The following TMEM178B variants were observed in gnomAD, a reference collection of about 807,000 sequenced individuals.
The protein encoded by TMEM178B is transmembrane protein 178B.
A neutral mutation model predicts 31.0 loss-of-function variants in TMEM178B; 5 were observed. That is an observed-to-expected ratio of 0.16 (90% CI 0.08 to 0.34). The LOEUF is 0.34. Among genes scored for constraint, TMEM178B ranks in the 10% least tolerant of loss-of-function variants. The pLI is 1.00. For synonymous variants in TMEM178B, 164 were observed against 164.0 expected (o/e 1.00, Z 0.00); for missense variants, 275 against 400.3 (o/e 0.69, Z 2.67).
At chr7:141,430,994 G>A (rs1467141931) in intron 2 of TMEM178B, among the ~76,000 whole-genome samples, 1 of 152,192 alleles carries the variant, frequency 6.6e-6, no homozygotes, top group Non-Finnish European at 1.5e-5. Context: ...ACCTCCCCAG[G>A]AGGTGCCCAT....
chr7:141,424,019 T>C (rs1045967048), intron 2 of TMEM178B, among the ~76,000 whole-genome samples: 1 of 151,724 alleles, frequency 6.6e-6, no homozygotes, highest in African/African-American at 2.4e-5. Context: ...GGTTTCACCA[T>C]GTTGGTCAGG....
chr7:141,428,758 C>T (rs1295762494), intron 2 of TMEM178B, among the ~76,000 whole-genome samples: 3 of 152,186 alleles, frequency 2.0e-5, no homozygotes, highest in Admixed American at 2.0e-4. Context: ...CTCAAGTTGC[C>T]CGCTAGGCCC....
rs1355181093 is a variant in TMEM178B at position 141,075,174 on chromosome 7, T to C, written c.382+482T>C. On this transcript the variant is annotated intron_variant, in intron 1 of 3. Transcript: ENST00000565468. ...GCTGAGCGCTATACTATACCAGATA[T>C]GGTGTAGGCACTGGTCATATAAACA... Among the ~76,000 whole-genome samples the C allele has an allele frequency of 3.9e-5, 6 of 152,170 alleles. No individual in the cohort carries two copies. In the South Asian group the frequency reaches 6.2e-4, roughly 16 times the overall value.
downstream of TMEM178B, among the ~76,000 whole-genome samples, chr7:141,481,034 C>G (rs192334378): frequency 6.6e-6 from 1 of 152,300 alleles, no homozygotes; most frequent in African/African-American, 2.4e-5. Context: ...CAAGAAGAAA[C>G]GCGTGGCTGA....
At chr7:141,272,672 C>G (rs1461695803) in intron 2 of TMEM178B, among the ~76,000 whole-genome samples, 1 of 152,242 alleles carries the variant, frequency 6.6e-6, no homozygotes, top group Non-Finnish European at 1.5e-5. Flanking sequence ...GAGCTCCCCT[C>G]TGCACATCAG....
At chr7:141,134,475 C>CAA (rs1186960763) in intron 1 of TMEM178B, among the ~76,000 whole-genome samples, 2 of 152,014 alleles carry the variant, frequency 1.3e-5, no homozygotes, top group Non-Finnish European at 2.9e-5. Flanking sequence ...AATGAAAGAA[C>CAA]AATATCTACC....
intron 1 of TMEM178B, among the ~76,000 whole-genome samples, chr7:141,077,148 G>A (rs571874885): frequency 6.6e-6 from 1 of 152,296 alleles, no homozygotes; most frequent in South Asian, 2.1e-4. Context: ...TTATAAGGAA[G>A]TTAAAAAGAG....
chr7:141,337,868 C>T (rs1253661567), intron 2 of TMEM178B, among the ~76,000 whole-genome samples: 2 of 151,734 alleles, frequency 1.3e-5, no homozygotes, highest in South Asian at 2.1e-4. Flanking sequence ...GACGGAGTCT[C>T]GCTCTGTCAC....
intron 2 of TMEM178B, among the ~76,000 whole-genome samples, chr7:141,364,158 G>A (rs1202512110): frequency 6.6e-6 from 1 of 152,008 alleles, no homozygotes. Context: ...AAAAAATGTG[G>A]CCTCTTTTCA....
chr7:141,308,233 C>A (rs138956879), intron 2 of TMEM178B, among the ~76,000 whole-genome samples: 1 of 152,182 alleles, frequency 6.6e-6, no homozygotes, highest in South Asian at 2.1e-4. Flanking sequence ...AGTGGAACTC[C>A]AGCTGAAAGA....
chr7:141,465,489 A>G (rs1483758603), intron 3 of TMEM178B, among the ~76,000 whole-genome samples: 1 of 152,214 alleles, frequency 6.6e-6, no homozygotes, highest in African/African-American at 2.4e-5. Context: ...TGTGTCAGTC[A>G]GGGTCCTTGC....
chr7:141,335,089 C>G (rs1216640161), intron 2 of TMEM178B, among the ~76,000 whole-genome samples: 2 of 152,164 alleles, frequency 1.3e-5, no homozygotes, highest in East Asian at 3.9e-4. Context: ...GTGCAGCCTC[C>G]ATGGTTCTGA....
intron 1 of TMEM178B, among the ~76,000 whole-genome samples, chr7:141,107,274 A>T (rs993108125): frequency 3.3e-5 from 5 of 152,172 alleles, no homozygotes; most frequent in African/African-American, 9.7e-5. Flanking sequence ...TTACTCTGAG[A>T]TGAGAGGTTG....
intron 1 of TMEM178B, among the ~76,000 whole-genome samples, chr7:141,209,193 T>G (rs1385771782): frequency 6.6e-6 from 1 of 152,192 alleles, no homozygotes; most frequent in South Asian, 2.1e-4. Context: ...CCTTTATATC[T>G]TCCTTTCCTC....
chr7:141,354,509 G>A (rs1799786132), intron 2 of TMEM178B, among the ~76,000 whole-genome samples: 1 of 152,208 alleles, frequency 6.6e-6, no homozygotes, highest in African/African-American at 2.4e-5. Context: ...AAAATGAGAT[G>A]TTCAGGAGTC....
At chr7:141,263,534 G>A (rs576322274) in intron 2 of TMEM178B, among the ~76,000 whole-genome samples, 2 of 152,232 alleles carry the variant, frequency 1.3e-5, no homozygotes, top group Non-Finnish European at 2.9e-5. Context: ...GTAGGGGAAA[G>A]GTCTGTCTGT....
chr7:141,496,661 C>A, the TMEM178B span, among the ~76,000 whole-genome samples: 1 of 113,918 alleles, frequency 8.8e-6, no homozygotes. Context: ...CAGAGCGAGA[C>A]TCCGTCTCAA....
chr7:141,222,834 T>A (rs1797277723), intron 2 of TMEM178B, among the ~76,000 whole-genome samples: 1 of 152,226 alleles, frequency 6.6e-6, no homozygotes, highest in Non-Finnish European at 1.5e-5. Context: ...CTGGCAAGTG[T>A]AGCATATTGT....
intron 1 of TMEM178B, among the ~76,000 whole-genome samples, chr7:141,141,206 G>A (rs765173850): frequency 4.0e-5 from 6 of 151,810 alleles, no homozygotes; most frequent in Non-Finnish European, 5.9e-5. Flanking sequence ...TGCTTATTTT[G>A]TTGCTCCAAT....
Sources: gnomAD v4.1 joint callset for allele counts (sites outside exome capture counted in the v4.1 genomes callset) on GRCh38, gnomAD v4.1.1 for gene constraint, MANE v1.5 for transcripts, NCBI Gene and HGNC (gene_info 2026-07-23, HGNC 2026-07-21) for gene names.